RCN2: variants seen among roughly 807,000 people sequenced by gnomAD.
RCN2 encodes reticulocalbin-2.
A neutral mutation model predicts 37.5 loss-of-function variants in RCN2; 23 were observed. That is an observed-to-expected ratio of 0.61 (90% CI 0.44 to 0.87). The LOEUF is 0.87. RCN2 is among the 40% of genes least tolerant of loss of function. The pLI, the probability that RCN2 is intolerant of heterozygous loss-of-function variation, is 0.00. For synonymous variants in RCN2, 140 were observed against 144.6 expected, an observed-to-expected ratio of 0.97 and a Z score of 0.23; for missense variants, 381 against 390.4, an observed-to-expected ratio of 0.98 and a Z score of 0.20.
intron 3 of RCN2, chr15:76,943,505 G>T: frequency 3.1e-6 from 1 of 324,448 alleles, no homozygotes; most frequent in Non-Finnish European, 5.6e-6. Flanking sequence ...AAACCAGAGA[G>T]GTTAAGCAGT....
At chr15:76,934,361 C>T (rs2075237855) in intron 2 of RCN2, among the ~76,000 whole-genome samples, 1 of 152,084 alleles carries the variant, frequency 6.6e-6, no homozygotes, top group South Asian at 2.1e-4. Flanking sequence ...AGGCTGGTCT[C>T]GAAATCCTGA....
intron 3 of RCN2, among the ~76,000 whole-genome samples, chr15:76,937,445 C>G (rs541874995): frequency 6.6e-6 from 1 of 150,814 alleles, no homozygotes; most frequent in African/African-American, 2.4e-5. Context: ...GAGACAGTAT[C>G]TCACTCTGTT....
At position 76,949,384 on chromosome 15, in the gene RCN2, AC is replaced by A. The variant is rs1193417836; in HGVS notation, c.*163del. On this transcript the variant is annotated 3_prime_UTR_variant, in exon 7 of 7. Coordinates refer to ENST00000394885, the MANE Select transcript of RCN2 (RefSeq NM_002902.3). ...AATTTTGGTCTTTTAGGAAAAAAAA[AC>A]AAAAATCTGATATTTATTTCAAAAT... 3 of 478,892 alleles carry A rather than the reference AC, an allele frequency of 6.3e-6. No homozygotes were observed. Among genetic ancestry groups the A allele is most frequent in the Non-Finnish European group, 1.0e-5 (3 of 286,162 alleles). The allele number at this position is 478,892 out of a possible 1,614,324, so 29.7% of individuals were successfully genotyped here.
intron 2 of RCN2, 121 bp from the exon 3 acceptor site, chr15:76,935,405 G>T: frequency 1.5e-6 from 1 of 687,224 alleles, no homozygotes; most frequent in East Asian, 2.7e-5. Context: ...AATACAACTA[G>T]GCCAATTCTC....
Position 76,941,424 on chromosome 15 carries a change from T to C in RCN2, c.448-2334T>C, listed in dbSNP as rs2075276136. 11 of 393,058 alleles carry C rather than the reference T, an allele frequency of 2.8e-5. No individual in the cohort carries two copies. In the South Asian group the frequency reaches 8.3e-4, roughly 30 times the overall value. The allele number at this position is 393,058 out of a possible 1,614,324, so 24.3% of individuals were successfully genotyped here. A position where few individuals can be genotyped will look rare whatever the true frequency, so the allele number is the denominator to read the frequency against. On this transcript the variant is annotated intron_variant, in intron 3 of 6. Transcript: ENST00000394885. ...TGTTCTAGTATCACACATTATATAT[T>C]TCCTCATGTAGAATCATTAGTCTAC...
chr15:76,946,323 C>A (rs1323901471), intron 4 of RCN2, among the ~76,000 whole-genome samples: 2 of 152,094 alleles, frequency 1.3e-5, no homozygotes, highest in Non-Finnish European at 2.9e-5. Context: ...TGGCATGCAC[C>A]TGTGGTCCTA....
intron 3 of RCN2, chr15:76,941,953 C>A: frequency 3.5e-6 from 1 of 287,116 alleles, no homozygotes; most frequent in Non-Finnish European, 6.4e-6. Context: ...ATTGACTCAG[C>A]AAAGTACCTC....
Position 76,931,880 on chromosome 15 carries a change from G to T in RCN2, c.39G>T (p.Leu13=). The change falls in exon 1 of 7, where the codon CTG becomes CTT. Residue 13 remains leucine (L), a synonymous_variant. Transcript: ENST00000394885. ...CGAGGACCGCGGCGTTGGGGCTGCT[G>T]CTGCTGTGCGCCGCCGCGGCCGGCG... ...LGPRTAALGL[L]LLCAAAAGAG... is the part of the protein sequence containing the mutation. 1 of 1,314,898 alleles carries T rather than the reference G, an allele frequency of 7.6e-7. No homozygotes were observed. Among genetic ancestry groups the T allele is most frequent in the Non-Finnish European group, 9.7e-7 (1 of 1,031,492 alleles). 81.5% of individuals were successfully genotyped at this position (1,314,898 alleles called of 1,614,324 possible).
intron 5 of RCN2, 130 bp downstream of exon 5, chr15:76,947,647 G>A (rs374267179): frequency 1.7e-5 from 11 of 644,484 alleles, no homozygotes; most frequent in East Asian, 3.0e-5. Context: ...TACTTGTTTC[G>A]TTAACTGTAA....
intron 2 of RCN2, among the ~76,000 whole-genome samples, chr15:76,932,852 T>C (rs1433975583): frequency 1.3e-5 from 2 of 152,220 alleles, no homozygotes; most frequent in Non-Finnish European, 2.9e-5. Flanking sequence ...AATTTGCTTC[T>C]TTTTTTAAGC....
chr15:76,942,127 A>T (rs1342264471), intron 3 of RCN2: 1 of 152,544 alleles, frequency 6.6e-6, no homozygotes, highest in Non-Finnish European at 1.5e-5. Flanking sequence ...TGGCTTGTAG[A>T]GTCTGATGTT....
In RCN2 at chr15:76,953,596, T is replaced by G. The variant is rs71398951; in HGVS notation, c.*4374T>G. 3 of 40,930 alleles carry G rather than the reference T, an allele frequency of 7.3e-5. No homozygotes were observed. The highest frequency in any genetic ancestry group is 1.4e-4 in the Non-Finnish European group (3 of 21,992). The allele number at this position is 40,930 out of a possible 1,614,324, so 2.5% of individuals were successfully genotyped here. ...ATATATATATATATATATATATATT[T>G]TTTTTTTTTTTTTTTTTTTTTTTTT... On this transcript the variant is annotated 3_prime_UTR_variant, in exon 7 of 7. Coordinates refer to ENST00000394885, the MANE Select transcript of RCN2 (RefSeq NM_002902.3).
At position 76,937,423 on chromosome 15, in the gene RCN2, T is replaced by C. The variant is rs530184068; in HGVS notation, c.447+1701T>C. Reference sequence around the variant, plus strand: ...TAAAATTACTCCTTTTTTTTTTTTATTTTTATTTTTTGAGACAGTATCTCA... The same window carrying C: ...TAAAATTACTCCTTTTTTTTTTTTACTTTTATTTTTTGAGACAGTATCTCA... On this transcript the variant is annotated intron_variant, in intron 3 of 6. Transcript: ENST00000394885. Among the ~76,000 whole-genome samples the C allele has an allele frequency of 1.1e-3, 166 of 151,630 alleles. 1 individual carries two copies. The highest frequency in any genetic ancestry group is 3.7e-3 in the African/African-American group (153 of 41,472).
intron 3 of RCN2, chr15:76,941,613 C>A: frequency 7.3e-7 from 1 of 1,372,046 alleles, no homozygotes; most frequent in Non-Finnish European, 9.9e-7. Context: ...ATGAAACTGA[C>A]CATCTTTTTT....
At chr15:76,934,932 A>G (rs1247702451) in intron 2 of RCN2, among the ~76,000 whole-genome samples, 3 of 152,238 alleles carry the variant, frequency 2.0e-5, no homozygotes, top group Non-Finnish European at 4.4e-5. Context: ...ACAAATACTT[A>G]CAGAGCCAGG....
chr15:76,949,959 TTTG>T lies in RCN2; in HGVS notation c.*739_*741del, dbSNP rs1404259692. On this transcript the variant is annotated 3_prime_UTR_variant, in exon 7 of 7. Coordinates refer to ENST00000394885, the MANE Select transcript of RCN2 (RefSeq NM_002902.3). ...GATAAATATTGAATTTAGCATAGGT[TTTG>T]TGGTATTGTACATTATCTTGCCTCA... 4.3e-3 allele frequency: 661 copies of T among 152,730 alleles called. 7 individuals are homozygous for T. Among genetic ancestry groups the T allele is most frequent in the African/African-American group, 0.015 (629 of 41,574 alleles). 9.5% of individuals were successfully genotyped at this position (152,730 alleles called of 1,614,324 possible). A position where few individuals can be genotyped will look rare whatever the true frequency, so the allele number is the denominator to read the frequency against.
At position 76,951,358 on chromosome 15, in the gene RCN2, A is replaced by G. The variant is rs543187736; in HGVS notation, c.*2136A>G. ...GCCACAGCACTGTGCAGGAGGCCTCAGCTGAAATGGTGCAGCCACAAGATG... is the reference window on the plus strand; with the variant it reads ...GCCACAGCACTGTGCAGGAGGCCTCGGCTGAAATGGTGCAGCCACAAGATG... On this transcript the variant is annotated 3_prime_UTR_variant, in exon 7 of 7. Transcript: ENST00000394885. The G allele has an allele frequency of 2.0e-5, 3 of 152,358 alleles. No homozygotes were observed. The highest frequency in any genetic ancestry group is 1.3e-4 in the Admixed American group (2 of 15,298). The allele number at this position is 152,358 out of a possible 1,614,324, so 9.4% of individuals were successfully genotyped here.
In RCN2 at chr15:76,954,042, T is replaced by G. The variant is rs987225579; in HGVS notation, c.*4820T>G. The G allele has an allele frequency of 6.6e-6, 1 of 150,730 alleles. No individual in the cohort carries two copies. Among genetic ancestry groups the G allele is most frequent in the East Asian group, 1.9e-4 (1 of 5,138 alleles). 9.3% of individuals were successfully genotyped at this position (150,730 alleles called of 1,614,324 possible). A position where few individuals can be genotyped will look rare whatever the true frequency, so the allele number is the denominator to read the frequency against. ...TTACCAACACTTGCTATTTTCTGTT[T>G]TTTTTTTTTTCTTTTTTTTTTTTAA... On this transcript the variant is annotated 3_prime_UTR_variant, in exon 7 of 7. Coordinates refer to ENST00000394885, the MANE Select transcript of RCN2 (RefSeq NM_002902.3).
At chr15:76,932,505 A>G (rs2075228790) in intron 2 of RCN2, 39 bp downstream of exon 2, 1 of 1,366,296 alleles carries the variant, frequency 7.3e-7, no homozygotes, top group Admixed American at 1.7e-5. Context: ...GGAGACAAAC[A>G]CAAATATGTT....
Sources: allele counts gnomAD v4.1 joint callset (sites outside exome capture counted in the v4.1 genomes callset), GRCh38; gene constraint gnomAD v4.1.1; transcripts MANE v1.5; gene names NCBI Gene and HGNC (gene_info 2026-07-23, HGNC 2026-07-21).